Variants in LTBP1 observed in about 807,000 individuals in gnomAD.
LTBP1 encodes latent-transforming growth factor beta-binding protein 1.
A neutral mutation model predicts 207.6 loss-of-function variants in LTBP1; 129 were observed. That is an observed-to-expected ratio of 0.62 (90% confidence interval 0.54 to 0.72). The LOEUF (loss-of-function observed/expected upper bound fraction) is 0.72. Ranked by LOEUF, LTBP1 falls within the 30% of genes least tolerant of loss-of-function variation. The probability of loss-of-function intolerance (pLI) is 0.00; values close to 1 mark genes in which losing one functional copy is unlikely to be tolerated. For missense variants in LTBP1, 2,281 were observed against 2,217.2 expected, an observed-to-expected ratio of 1.03 and a Z score of -0.58; for synonymous variants, 963 against 833.7, an observed-to-expected ratio of 1.16 and a Z score of -2.67.
chr2:33,122,408 G>T (rs912653835), intron 4 of LTBP1, among the ~76,000 whole-genome samples: 1 of 152,196 alleles, frequency 6.6e-6, no homozygotes, highest in Non-Finnish European at 1.5e-5. Context: ...GATACTATGG[G>T]TGACCTCACC....
intron 3 of LTBP1, among the ~76,000 whole-genome samples, chr2:33,074,695 C>T (rs1051986755): frequency 2.0e-5 from 3 of 151,930 alleles, no homozygotes; most frequent in Non-Finnish European, 4.4e-5. Flanking sequence ...ACGGTGAAAC[C>T]CCGTCTCTAC....
chr2:33,025,464 C>T (rs560647834), intron 3 of LTBP1, among the ~76,000 whole-genome samples: 46 of 152,216 alleles, frequency 3.0e-4, no homozygotes, highest in South Asian at 2.1e-3. Flanking sequence ...AATGGAAGGA[C>T]GCCTCGTAGC....
chr2:33,091,637 G>C (rs1286873488), intron 3 of LTBP1, among the ~76,000 whole-genome samples: 2 of 152,180 alleles, frequency 1.3e-5, no homozygotes, highest in African/African-American at 4.8e-5. Context: ...GCTTTTACCA[G>C]AGTATAATGC....
intron 15 of LTBP1, among the ~76,000 whole-genome samples, chr2:33,266,950 C>A (rs1308220161): frequency 6.6e-6 from 1 of 152,222 alleles, no homozygotes; most frequent in East Asian, 1.9e-4. Flanking sequence ...GGAAGAAGAG[C>A]TGTGGCCCTT....
In LTBP1 at chr2:33,159,905, G is replaced by A. The variant is rs147910675; in HGVS notation, c.1201+24945G>A. Among the ~76,000 whole-genome samples, 227 of 152,204 alleles carry A rather than the reference G, an allele frequency of 1.5e-3. 2 individuals are homozygous for A. The highest frequency in any genetic ancestry group is 5.2e-3 in the African/African-American group (217 of 41,538). The stretch of plus-strand genomic sequence containing the variant: ...ATTTTATTTTATTTATTTTTGAGAT[G>A]GAGTCTCGCTCTGTTGCCCAGGCTG... On this transcript the variant is annotated intron_variant, in intron 5 of 33. Coordinates refer to ENST00000404816, the MANE Select transcript of LTBP1 (RefSeq NM_206943.4).
At chr2:33,229,824 G>T (rs2091685645) in intron 9 of LTBP1, among the ~76,000 whole-genome samples, 2 of 152,128 alleles carry the variant, frequency 1.3e-5, no homozygotes, top group South Asian at 4.1e-4. Flanking sequence ...GTCTCTGGAG[G>T]ATATTTGTAA....
chr2:33,164,352 G>GGA (rs1558735455), intron 5 of LTBP1, among the ~76,000 whole-genome samples: 1 of 28,262 alleles, frequency 3.5e-5, no homozygotes, highest in African/African-American at 1.2e-4. Flanking sequence ...TTCCTCTCAG[G>GGA]AAAAAAAAAA....
At chr2:33,138,528 G>A (rs919382321) in intron 5 of LTBP1, among the ~76,000 whole-genome samples, 2 of 151,952 alleles carry the variant, frequency 1.3e-5, no homozygotes, top group Admixed American at 1.3e-4. Context: ...TTGTTGGGTG[G>A]GCTGCAGGTT....
intron 31 of LTBP1, among the ~76,000 whole-genome samples, chr2:33,383,752 G>A (rs2095241866): frequency 6.6e-6 from 1 of 152,166 alleles, no homozygotes; most frequent in South Asian, 2.1e-4. Context: ...GCCCAGGCTG[G>A]TCTCAAACTC....
intron 7 of LTBP1, among the ~76,000 whole-genome samples, chr2:33,214,142 G>A (rs1471724834): frequency 6.6e-6 from 1 of 152,184 alleles, no homozygotes. Flanking sequence ...TGCATATGAT[G>A]TGAACTGGTG....
chr2:33,261,244 G>A (rs1558904764), intron 13 of LTBP1, among the ~76,000 whole-genome samples: 1 of 152,152 alleles, frequency 6.6e-6, no homozygotes, highest in Non-Finnish European at 1.5e-5. Flanking sequence ...ACGGTGATGG[G>A]GGAAATTCTG....
intron 2 of LTBP1, among the ~76,000 whole-genome samples, chr2:32,997,246 C>T (rs1685432738): frequency 2.0e-5 from 3 of 152,070 alleles, no homozygotes. Flanking sequence ...TGTGTTGGCT[C>T]ACTTCTGTAA....
At chr2:33,254,663 T>C (rs898183765) in intron 11 of LTBP1, among the ~76,000 whole-genome samples, 2 of 146,870 alleles carry the variant, frequency 1.4e-5, no homozygotes, top group African/African-American at 2.6e-5. Context: ...TGGTTACATA[T>C]GTATACATGT....
rs2077007217 is a variant in LTBP1, at chr2:33,056,502, T to A, written c.863+35296T>A. 3 of 764,782 alleles carry A rather than the reference T, an allele frequency of 3.9e-6. No individual in the cohort carries two copies. In the East Asian group the frequency reaches 9.1e-5, roughly 23 times the overall value. The allele number at this position is 764,782 out of a possible 1,614,324, so 47.4% of individuals were successfully genotyped here. On this transcript the variant is annotated intron_variant, in intron 3 of 33. Transcript: ENST00000404816. ...ATGAGGGATGATGCGCGTCTTCTTC[T>A]TGTCCCTTCGTGGTTGCAAAAATGT...
intron 3 of LTBP1, among the ~76,000 whole-genome samples, chr2:33,089,276 C>T (rs530882197): frequency 2.0e-5 from 3 of 151,984 alleles, no homozygotes; most frequent in Non-Finnish European, 2.9e-5. Context: ...GATGACATAC[C>T]TAGCAGAGTC....
chr2:33,388,128 C>T (rs1263876877), intron 31 of LTBP1, among the ~76,000 whole-genome samples: 1 of 152,150 alleles, frequency 6.6e-6, no homozygotes, highest in African/African-American at 2.4e-5. Flanking sequence ...AGACAAGAGC[C>T]TGGGATCATG....
intron 7 of LTBP1, among the ~76,000 whole-genome samples, chr2:33,193,082 T>G (rs2088099736): frequency 6.6e-6 from 1 of 152,194 alleles, no homozygotes; most frequent in South Asian, 2.1e-4. Flanking sequence ...ATTTTGGAAT[T>G]ACTAGTTTTC....
At chr2:32,967,979 AGTTTGTTT>A (rs113343240) in intron 2 of LTBP1, among the ~76,000 whole-genome samples, 82,593 of 150,968 alleles carry the variant, frequency 0.55, 23,610 homozygotes, top group Non-Finnish European at 0.63. Context: ...CATTTCTATC[AGTTTGTTT>A]GTTTGTTTGT....
intron 4 of LTBP1, among the ~76,000 whole-genome samples, chr2:33,117,300 C>T (rs553219059): frequency 6.6e-6 from 1 of 152,304 alleles, no homozygotes; most frequent in South Asian, 2.1e-4. Flanking sequence ...TTGCTTGTAG[C>T]GTTAGCCTTC....
Sources: gnomAD v4.1 joint callset for allele counts (sites outside exome capture counted in the v4.1 genomes callset) on GRCh38, gnomAD v4.1.1 for gene constraint, MANE v1.5 for transcripts, NCBI Gene and HGNC (gene_info 2026-07-23, HGNC 2026-07-21) for gene names.